NSUN6: variants seen among roughly 807,000 people sequenced by gnomAD.
NSUN6 encodes tRNA (cytosine(72)-C(5))-methyltransferase NSUN6.
In NSUN6, 64 loss-of-function variants were observed where a neutral mutation model predicts 58.0. The observed-to-expected ratio is 1.10, with a 90% confidence interval of 0.90 to 1.36. The LOEUF (loss-of-function observed/expected upper bound fraction) is 1.36, where lower values mean the gene tolerates loss of function less well. NSUN6 is among the 40% of genes most tolerant of loss of function. The probability of loss-of-function intolerance (pLI) is 0.00; values close to 1 mark genes in which losing one functional copy is unlikely to be tolerated. For synonymous variants in NSUN6, 231 were observed against 193.9 expected, an observed-to-expected ratio of 1.19 and a Z score of -1.59; for missense variants, 701 against 550.1, an observed-to-expected ratio of 1.27 and a Z score of -2.74.
chr10:18,553,997 G>A (rs532941256), intron 8 of NSUN6, among the ~76,000 whole-genome samples: 7 of 150,954 alleles, frequency 4.6e-5, no homozygotes, highest in African/African-American at 1.2e-4. Context: ...ATGGAATGGA[G>A]AATGTAATTG....
intron 7 of NSUN6, among the ~76,000 whole-genome samples, 196 bp from the exon 8 acceptor site, chr10:18,586,289 G>A (rs779862524): frequency 1.3e-5 from 2 of 152,024 alleles, no homozygotes; most frequent in South Asian, 2.1e-4. Context: ...TCTTGGTCTC[G>A]CTGACCTCAA....
intron 9 of NSUN6, among the ~76,000 whole-genome samples, chr10:18,549,660 TTGAA>T: frequency 6.6e-6 from 1 of 152,344 alleles, no homozygotes; most frequent in Middle Eastern, 3.4e-3. Flanking sequence ...TGAGTATTTG[TTGAA>T]TAAATTAATC....
chr10:18,633,765 T>C (rs754582787), intron 3 of NSUN6, among the ~76,000 whole-genome samples: 7 of 152,092 alleles, frequency 4.6e-5, no homozygotes, highest in Non-Finnish European at 8.8e-5. Context: ...CAAACCTGGA[T>C]CAACTATCTA....
intron 8 of NSUN6, among the ~76,000 whole-genome samples, chr10:18,562,752 C>A (rs1162465696): frequency 1.9e-4 from 20 of 105,092 alleles, no homozygotes; most frequent in African/African-American, 7.1e-4. Context: ...GGAGAATGAA[C>A]TGGAATGGAC....
At chr10:18,584,077 C>T (rs568404402) in intron 8 of NSUN6, among the ~76,000 whole-genome samples, 37 of 152,258 alleles carry the variant, frequency 2.4e-4, no homozygotes, top group South Asian at 1.5e-3. Flanking sequence ...TACTGGCCAG[C>T]GAACTTTCAC....
chr10:18,551,543 G>A (rs1486042432), intron 9 of NSUN6, among the ~76,000 whole-genome samples: 1 of 152,014 alleles, frequency 6.6e-6, no homozygotes, highest in Non-Finnish European at 1.5e-5. Flanking sequence ...AAATCTTAAA[G>A]CATTTTTCCT....
intron 2 of NSUN6, among the ~76,000 whole-genome samples, chr10:18,643,179 A>C (rs994027228): frequency 6.6e-6 from 1 of 151,774 alleles, no homozygotes; most frequent in Non-Finnish European, 1.5e-5. Flanking sequence ...ATACCACAGA[A>C]ATCAACAAAC....
At chr10:18,648,377 T>C in intron 2 of NSUN6, 113 bp downstream of exon 2, 1 of 634,966 alleles carries the variant, frequency 1.6e-6, no homozygotes, top group Non-Finnish European at 2.7e-6. Context: ...TGGTCCTCAA[T>C]CTCCTTATCT....
chr10:18,547,646 C>T (rs1284093636), intron 10 of NSUN6, among the ~76,000 whole-genome samples: 1 of 152,094 alleles, frequency 6.6e-6, no homozygotes, highest in Non-Finnish European at 1.5e-5. Context: ...AAATATTATA[C>T]ATTTTATATA....
At chr10:18,651,756 G>C, upstream of NSUN6, 2 of 985,474 alleles carry the variant, frequency 2.0e-6, no homozygotes, top group Non-Finnish European at 2.4e-6. Flanking sequence ...CTAACCCTGC[G>C]TGAGGCTCTT....
chr10:18,635,281 G>C (rs561540363), intron 3 of NSUN6, among the ~76,000 whole-genome samples: 84 of 152,262 alleles, frequency 5.5e-4, no homozygotes, highest in African/African-American at 2.0e-3. Flanking sequence ...CTTTTCCCTT[G>C]CTGGTTTTGC....
Position 18,572,273 on chromosome 10 carries a change from T to C in NSUN6, c.922+13676A>G, listed in dbSNP as rs1470402550. On this transcript the variant is annotated intron_variant, in intron 8 of 10. Coordinates refer to ENST00000377304, the MANE Select transcript of NSUN6 (RefSeq NM_182543.5). ...CCATTCCATCCCATTCTCCATTCCA[T>C]TCCCTTCCATTCTCCATTTCATTCC... is the stretch of plus-strand genomic sequence containing the variant. Among the ~76,000 whole-genome samples the C allele has an allele frequency of 2.6e-5, 4 of 151,694 alleles. No individual in the cohort carries two copies. The East Asian group carries it at 5.8e-4, about 22-fold the overall frequency.
chr10:18,624,017 C>T (rs1274399458), intron 3 of NSUN6, among the ~76,000 whole-genome samples: 1 of 152,014 alleles, frequency 6.6e-6, no homozygotes, highest in Non-Finnish European at 1.5e-5. Flanking sequence ...ATAATTCATT[C>T]TGCATTCATT....
At chr10:18,621,017 G>C (rs1346367757) in intron 3 of NSUN6, among the ~76,000 whole-genome samples, 3 of 152,236 alleles carry the variant, frequency 2.0e-5, no homozygotes, top group African/African-American at 4.8e-5. Flanking sequence ...CTGCTTACAA[G>C]GCTGGCCCTT....
intron 8 of NSUN6, among the ~76,000 whole-genome samples, chr10:18,583,330 C>T (rs994063513): frequency 2.6e-5 from 4 of 152,164 alleles, no homozygotes; most frequent in African/African-American, 9.7e-5. Flanking sequence ...ACTCCCTTTT[C>T]GGACTCAGCC....
chr10:18,655,080 A>C, upstream of NSUN6: 1 of 982,934 alleles, frequency 1.0e-6, no homozygotes, highest in Non-Finnish European at 1.2e-6. Flanking sequence ...TTAGCACTAT[A>C]ATTTGCTTTG....
At chr10:18,642,031 C>T (rs1408967236) in intron 3 of NSUN6, among the ~76,000 whole-genome samples, 1 of 152,200 alleles carries the variant, frequency 6.6e-6, no homozygotes. Context: ...TGTGTCCCTG[C>T]ACTCCAGCCT....
chr10:18,584,735 G>C (rs557951949), intron 8 of NSUN6, among the ~76,000 whole-genome samples: 1 of 152,002 alleles, frequency 6.6e-6, no homozygotes, highest in Non-Finnish European at 1.5e-5. Flanking sequence ...ATACATCATC[G>C]TAAAAATGTT....
chr10:18,613,487 C>G (rs185574189), intron 5 of NSUN6, among the ~76,000 whole-genome samples: 1 of 152,136 alleles, frequency 6.6e-6, no homozygotes, highest in Non-Finnish European at 1.5e-5. Flanking sequence ...AGCACGATAA[C>G]TGGAACAACA....
Sources: gnomAD v4.1 joint callset for allele counts (sites outside exome capture counted in the v4.1 genomes callset) on GRCh38, gnomAD v4.1.1 for gene constraint, MANE v1.5 for transcripts, NCBI Gene and HGNC (gene_info 2026-07-23, HGNC 2026-07-21) for gene names.